Variants in ELMO1 observed in about 807,000 individuals in gnomAD.
ELMO1 encodes the protein engulfment and cell motility 1, also known as engulfment and cell motility protein 1.
In ELMO1, 26 loss-of-function variants were observed where a neutral mutation model predicts 98.9. The ratio of observed to expected loss-of-function variants is 0.26; its 90% CI spans 0.19 to 0.36. The LOEUF (loss-of-function observed/expected upper bound fraction) is 0.36, where lower values mean the gene tolerates loss of function less well. Ranked by LOEUF, ELMO1 falls within the 10% of genes least tolerant of loss-of-function variation. ELMO1 has a pLI of 1.00. For synonymous variants in ELMO1, 346 were observed against 346.0 expected (o/e 1.00, Z 0.00); for missense variants, 627 against 935.2 (o/e 0.67, Z 4.30).
intron 16 of ELMO1, among the ~76,000 whole-genome samples, chr7:36,972,648 C>G (rs1412764819): frequency 6.6e-6 from 1 of 152,168 alleles, no homozygotes; most frequent in African/African-American, 2.4e-5. Flanking sequence ...TATAAGGACA[C>G]TAGTCACACT....
rs527577781 is a variant in ELMO1, at chr7:37,121,889, G to C, written c.1191+11241C>G. Among the ~76,000 whole-genome samples, 177 of 152,292 alleles carry C rather than the reference G, an allele frequency of 1.2e-3. 1 individual carries two copies. The South Asian group carries it at 0.021, about 18-fold the overall frequency. ...AATGTTAAGGGCAGCCAGAGAGAAA[G>C]GACGGGTTACCCACAAAGGGAAGCC... On this transcript the variant is annotated intron_variant, in intron 14 of 21. Transcript: ENST00000310758.
intron 13 of ELMO1, among the ~76,000 whole-genome samples, chr7:37,141,057 T>A (rs962828246): frequency 6.6e-6 from 1 of 152,162 alleles, no homozygotes; most frequent in African/African-American, 2.4e-5. Context: ...AAAGAAGTCA[T>A]TATATGAAAA....
intron 1 of ELMO1, chr7:37,375,919 G>A: frequency 1.6e-6 from 1 of 641,164 alleles, no homozygotes; most frequent in East Asian, 2.9e-5. Context: ...TAGTGCTGCT[G>A]TGCCTCCTGG....
chr7:36,958,111 A>G (rs58086666), intron 16 of ELMO1, among the ~76,000 whole-genome samples: 8,157 of 151,884 alleles, frequency 0.054, 726 homozygotes, highest in African/African-American at 0.19. Context: ...CTTGTCCATC[A>G]CCCCATTCAT....
chr7:37,386,996 C>A (rs1248649386), intron 1 of ELMO1, among the ~76,000 whole-genome samples: 2 of 152,186 alleles, frequency 1.3e-5, no homozygotes, highest in African/African-American at 4.8e-5. Flanking sequence ...TTCCTGCTCC[C>A]CAGATGACTC....
intron 1 of ELMO1, among the ~76,000 whole-genome samples, chr7:37,369,451 G>A (rs1330386840): frequency 6.6e-6 from 1 of 152,082 alleles, no homozygotes; most frequent in East Asian, 1.9e-4. Context: ...TCAGATTAGG[G>A]ATACTCAACC....
Position 37,011,200 on chromosome 7 carries a change from TA to T in ELMO1, c.1437+2098del, listed in dbSNP as rs201434469. On this transcript the variant is annotated intron_variant, in intron 16 of 21. Transcript: ENST00000310758. ...TCACAGCCATATAGGCTAATTATGA[TA>T]AAAGTTTCACAGTGACACTCTGGGG... is the stretch of plus-strand genomic sequence containing the variant. Among the ~76,000 whole-genome samples, 340 of 152,292 alleles carry T rather than the reference TA, an allele frequency of 2.2e-3. 1 individual carries two copies. The highest frequency in any genetic ancestry group is 4.4e-3 in the East Asian group (23 of 5,178).
At chr7:37,045,405 A>T (rs530333871) in intron 15 of ELMO1, among the ~76,000 whole-genome samples, 1 of 152,340 alleles carries the variant, frequency 6.6e-6, no homozygotes, top group African/African-American at 2.4e-5. Context: ...TAGTGGTATA[A>T]GATTCTGAGG....
intron 13 of ELMO1, among the ~76,000 whole-genome samples, chr7:37,147,034 T>C (rs1788032108): frequency 6.6e-6 from 1 of 152,088 alleles, no homozygotes; most frequent in Admixed American, 6.6e-5. Flanking sequence ...AGGTCTTTGG[T>C]GACTAGGAAT....
At chr7:37,375,569 T>A (rs1216276385) in intron 1 of ELMO1, 5 of 1,100,038 alleles carry the variant, frequency 4.5e-6, no homozygotes, top group South Asian at 1.3e-5. Flanking sequence ...AACTCCTTTT[T>A]AAGGAGGGAG....
chr7:37,051,377 G>C (rs1173602086), intron 15 of ELMO1, among the ~76,000 whole-genome samples: 1 of 152,158 alleles, frequency 6.6e-6, no homozygotes, highest in African/African-American at 2.4e-5. Flanking sequence ...GATAATTTTT[G>C]TAAGACTAAT....
intron 15 of ELMO1, among the ~76,000 whole-genome samples, chr7:37,055,840 A>G (rs1483278324): frequency 6.6e-6 from 1 of 152,194 alleles, no homozygotes; most frequent in African/African-American, 2.4e-5. Flanking sequence ...CCATCCAGGT[A>G]CAGTGGGCAG....
intron 16 of ELMO1, among the ~76,000 whole-genome samples, chr7:36,976,486 T>G (rs11972135): frequency 0.033 from 5,051 of 152,288 alleles, 307 homozygotes; most frequent in African/African-American, 0.12. Context: ...AAACGAGACT[T>G]TATTACAAAT....
intron 20 of ELMO1, among the ~76,000 whole-genome samples, chr7:36,867,864 G>C (rs1803153617): frequency 6.6e-6 from 1 of 152,094 alleles, no homozygotes; most frequent in African/African-American, 2.4e-5. Context: ...TGTGATTTGA[G>C]AACATACTTT....
intron 15 of ELMO1, among the ~76,000 whole-genome samples, chr7:37,085,145 C>G (rs537207691): frequency 9.9e-5 from 15 of 152,166 alleles, no homozygotes; most frequent in East Asian, 3.9e-4. Context: ...TTCCAACCAC[C>G]AGGTAAATCT....
intron 1 of ELMO1, among the ~76,000 whole-genome samples, chr7:37,445,248 T>C (rs1805564029): frequency 6.6e-6 from 1 of 152,204 alleles, no homozygotes; most frequent in Admixed American, 6.5e-5. Flanking sequence ...GCACAATTAG[T>C]AGCAAACACT....
chr7:37,128,337 C>T (rs1786670603), intron 14 of ELMO1, among the ~76,000 whole-genome samples: 1 of 152,244 alleles, frequency 6.6e-6, no homozygotes, highest in South Asian at 2.1e-4. Context: ...CCTCCCTCCA[C>T]TTGTCTCCTT....
At chr7:37,361,630 A>G (rs1801701696) in intron 1 of ELMO1, among the ~76,000 whole-genome samples, 1 of 152,236 alleles carries the variant, frequency 6.6e-6, no homozygotes, top group South Asian at 2.1e-4. Context: ...ATATGATTCC[A>G]TTTCTAGAAA....
intron 13 of ELMO1, among the ~76,000 whole-genome samples, chr7:37,183,427 A>C (rs925159069): frequency 1.2e-4 from 19 of 152,212 alleles, no homozygotes; most frequent in African/African-American, 4.3e-4. Context: ...AGGAAGAGGC[A>C]GGGGGAGAAG....
Sources: allele counts gnomAD v4.1 joint callset (sites outside exome capture counted in the v4.1 genomes callset), GRCh38; gene constraint gnomAD v4.1.1; transcripts MANE v1.5; gene names NCBI Gene and HGNC (gene_info 2026-07-23, HGNC 2026-07-21).